The following ADGRB1 variants were observed in gnomAD, a reference collection of about 807,000 sequenced individuals.
ADGRB1 encodes adhesion G protein-coupled receptor B1.
Under a neutral mutation model 175.7 loss-of-function variants are expected in ADGRB1, and 36 were observed. That is an observed-to-expected ratio of 0.20 (90% CI 0.16 to 0.27). ADGRB1 has a LOEUF of 0.27. ADGRB1 is among the 10% of genes least tolerant of loss of function. The pLI, the probability that ADGRB1 is intolerant of heterozygous loss-of-function variation, is 1.00. For missense variants in ADGRB1, 1,731 were observed against 2,255.3 expected, an observed-to-expected ratio of 0.77 and a Z score of 4.71; for synonymous variants, 1,054 against 979.4, an observed-to-expected ratio of 1.08 and a Z score of -1.42.
intron 2 of ADGRB1, among the ~76,000 whole-genome samples, chr8:142,468,614 C>G (rs1164101957): frequency 6.6e-6 from 1 of 152,208 alleles, no homozygotes; most frequent in South Asian, 2.1e-4. Context: ...GAGATAGGCT[C>G]CTGTGGAGGC....
chr8:142,504,436 G>A lies in ADGRB1; in HGVS notation c.2676-6496G>A, dbSNP rs2131999027. ...GCCACCAGGGGCAGGCCCACCAGAG[G>A]CAGGGCCACCAGGGCCAAGGGAGGC... On this transcript the variant is annotated intron_variant, in intron 17 of 30. Transcript: ENST00000517894. The surrounding 1 kb of genome is among the most constrained non-coding windows in gnomAD (Gnocchi z 5.6). Among the ~76,000 whole-genome samples, 1 of 152,286 alleles carries A rather than the reference G, an allele frequency of 6.6e-6. No homozygotes were observed. The highest frequency in any genetic ancestry group is 1.9e-4 in the East Asian group (1 of 5,164).
chr8:142,451,053 C>T (rs1039939702), intron 1 of ADGRB1, among the ~76,000 whole-genome samples: 13 of 152,202 alleles, frequency 8.5e-5, no homozygotes, highest in African/African-American at 2.7e-4. Context: ...ACGGCCCCCG[C>T]CCCCTCCTGG....
intron 1 of ADGRB1, among the ~76,000 whole-genome samples, chr8:142,456,581 CGCACACAT>C (rs1486290911): frequency 6.6e-6 from 1 of 152,248 alleles, no homozygotes; most frequent in Non-Finnish European, 1.5e-5. Context: ...CACGCACACA[CGCACACAT>C]ATGTGCAGCA....
At chr8:142,526,516 C>CCCCCCCCCCA in intron 23 of ADGRB1, 26 bp from the exon 24 acceptor site, 1 of 1,428,900 alleles carries the variant, frequency 7.0e-7, no homozygotes, top group Non-Finnish European at 9.7e-7. Flanking sequence ...CCCACCCCCA[C>CCCCCCCCCCA]ACCCCCACCA....
At chr8:142,525,641 C>G (rs541647827) in intron 23 of ADGRB1, among the ~76,000 whole-genome samples, 2 of 152,146 alleles carry the variant, frequency 1.3e-5, no homozygotes, top group African/African-American at 4.8e-5. Flanking sequence ...GAAAGCAGGC[C>G]GGCTGTGTGG....
chr8:142,515,411 T>C (rs757626842), intron 18 of ADGRB1, among the ~76,000 whole-genome samples: 2 of 152,160 alleles, frequency 1.3e-5, no homozygotes, highest in Non-Finnish European at 2.9e-5. Context: ...GAGTGACTGA[T>C]GAGCCAGGCG....
At chr8:142,526,065 A>T (rs376092561) in intron 23 of ADGRB1, among the ~76,000 whole-genome samples, 1 of 152,158 alleles carries the variant, frequency 6.6e-6, no homozygotes, top group East Asian at 1.9e-4. Context: ...CCCTGGGTGC[A>T]GGCGCCCAGC....
At chr8:142,479,903 G>C in intron 9 of ADGRB1, 109 bp downstream of exon 9, 2 of 1,238,446 alleles carry the variant, frequency 1.6e-6, no homozygotes. Flanking sequence ...ACGGAGCCCA[G>C]ACAGCCTGCG....
intron 18 of ADGRB1, 36 bp from the exon 19 acceptor site, chr8:142,518,102 G>T (rs1843553276): frequency 6.3e-7 from 1 of 1,594,252 alleles, no homozygotes; most frequent in African/African-American, 1.3e-5. Context: ...CGAGTGGGGT[G>T]CCTCACTCCC....
chr8:142,518,381 C>CAGCAGGGCTGGGTCCGTGGCAAA, intron 19 of ADGRB1, 140 bp downstream of exon 19: 1 of 830,022 alleles, frequency 1.2e-6, no homozygotes, highest in Non-Finnish European at 1.9e-6. Flanking sequence ...GCATTTGCCA[C>CAGCAGGGCTGGGTCCGTGGCAAA]GGAACCAGCC....
In ADGRB1 at chr8:142,542,011, C is replaced by G. The variant is rs61755064; in HGVS notation, c.3777C>G (p.Pro1259=). The part of the protein sequence containing the change: ...ITGTLKRPSL[P]EEEKLKLAHA... ...GCACACTGAAGCGGCCGTCTCTGCC[C>G]GAGGAGGAGAAGCTGAAGCTGGCCC... The change falls in exon 28 of 31, where the codon CCC becomes CCG. Residue 1259 remains proline (P), a synonymous_variant. Transcript: ENST00000517894. The surrounding 1 kb of genome is among the most constrained non-coding windows in gnomAD (Gnocchi z 6.3). The G allele has an allele frequency of 2.5e-6, 4 of 1,601,396 alleles. No individual in the cohort carries two copies. The highest frequency in any genetic ancestry group is 1.3e-5 in the African/African-American group (1 of 74,534).
intron 1 of ADGRB1, among the ~76,000 whole-genome samples, chr8:142,454,915 T>C (rs1839573540): frequency 6.6e-6 from 1 of 152,016 alleles, no homozygotes; most frequent in Non-Finnish European, 1.5e-5. Flanking sequence ...CGTTACAGGC[T>C]CTTGTTCGGG....
rs1322680941 is a variant in ADGRB1 at position 142,522,638 on chromosome 8, C to T, written c.3176-3C>T. The T allele has an allele frequency of 2.6e-6, 4 of 1,556,706 alleles. No individual in the cohort carries two copies. The Admixed American group carries it at 5.9e-5, about 23-fold the overall frequency. On this transcript the variant is annotated splice_region_variant and splice_polypyrimidine_tract_variant and intron_variant, in intron 21 of 30. Transcript: ENST00000517894. ...CAACACCCTCTCTCTGCTCCTTCTC[C>T]AGGGCTCCCTGCACTGGTTGTGGCC...
At chr8:142,453,130 G>A (rs2131612230) in intron 1 of ADGRB1, among the ~76,000 whole-genome samples, 1 of 150,378 alleles carries the variant, frequency 6.6e-6, no homozygotes, top group South Asian at 2.1e-4. Context: ...CGCCGGCCCG[G>A]CCCGGTCCCC....
rs1259935804 is a variant in ADGRB1, at chr8:142,537,794, C to T, written c.3666+712C>T. Among the ~76,000 whole-genome samples the T allele has an allele frequency of 6.6e-6, 1 of 152,130 alleles. No individual in the cohort carries two copies. The highest frequency in any genetic ancestry group is 1.5e-5 in the Non-Finnish European group (1 of 68,002). ...CAAGTGGCGGTTCCTACGTAAGGGC[C>T]CCCAACAGCCCCCTGTGGAGCCTCA... On this transcript the variant is annotated intron_variant, in intron 26 of 30. Transcript: ENST00000517894. The surrounding 1 kb of genome is among the most constrained non-coding windows in gnomAD (Gnocchi z 4.6).
At chr8:142,470,389 GTCC>G (rs1405146904) in intron 2 of ADGRB1, among the ~76,000 whole-genome samples, 1 of 152,166 alleles carries the variant, frequency 6.6e-6, no homozygotes, top group South Asian at 2.1e-4. Context: ...AAGTGTGTGT[GTCC>G]TCGTGTGTGT....
intron 17 of ADGRB1, among the ~76,000 whole-genome samples, chr8:142,495,973 GGGTGGCTGGATGGATGTGTAAAT>G (rs1337284041): frequency 1.3e-5 from 2 of 151,694 alleles, no homozygotes; most frequent in African/African-American, 4.8e-5. Flanking sequence ...ATGGATACGT[GGGTGGCTGGATGGATGTGTAAAT>G]GGTAGATAGA....
rs374535810 is a variant in ADGRB1, at chr8:142,489,369, C to T, written c.2562C>T (p.Ser854=). The change falls in exon 16 of 31, where the codon TCC becomes TCT. Residue 854 remains serine, a synonymous_variant. Coordinates refer to ENST00000517894, the MANE Select transcript of ADGRB1 (RefSeq NM_001702.3). ...CCGTCCTGAATTCTAAGGTGATCTC[C>T]GTGACTGTGAAACCCCCGCCTCGCT... ...NTTVLNSKVI[S]VTVKPPPRSL... is the part of the protein sequence containing the mutation. The T allele has an allele frequency of 1.4e-5, 22 of 1,612,842 alleles. No individual in the cohort carries two copies. Among genetic ancestry groups the T allele is most frequent in the African/African-American group, 8.0e-5 (6 of 74,908 alleles).
intron 17 of ADGRB1, among the ~76,000 whole-genome samples, chr8:142,502,722 GGTA>G (rs1408921087): frequency 5.3e-5 from 8 of 151,890 alleles, no homozygotes; most frequent in East Asian, 1.9e-4. Context: ...TGATGGGGTT[GGTA>G]GTGGTGGTGG....
Sources: allele counts gnomAD v4.1 joint callset (sites outside exome capture counted in the v4.1 genomes callset), GRCh38; gene constraint gnomAD v4.1.1; non-coding constraint Gnocchi (gnomAD v3.1); transcripts MANE v1.5; gene names NCBI Gene and HGNC (gene_info 2026-07-23, HGNC 2026-07-21).